Variants in PCDH15 observed in about 807,000 individuals in gnomAD.
The protein encoded by PCDH15 is protocadherin-15.
In PCDH15, 129 loss-of-function variants were observed where a neutral mutation model predicts 178.5. The ratio of observed to expected loss-of-function variants is 0.72; its 90% CI spans 0.63 to 0.84. The LOEUF is 0.84. Among genes scored for constraint, PCDH15 ranks in the 40% least tolerant of loss-of-function variants. The pLI is 0.00. For synonymous variants in PCDH15, 800 were observed against 732.0 expected (o/e 1.09, Z -1.50); for missense variants, 2,230 against 2,099.9 (o/e 1.06, Z -1.21).
intron 2 of PCDH15, among the ~76,000 whole-genome samples, chr10:55,452,014 G>T (rs1839446432): frequency 1.3e-5 from 2 of 152,234 alleles, no homozygotes; most frequent in South Asian, 2.1e-4. Flanking sequence ...TTTAAGTATT[G>T]ATATGACTAA....
intron 21 of PCDH15, among the ~76,000 whole-genome samples, chr10:53,968,738 C>A (rs988384419): frequency 5.9e-5 from 9 of 152,160 alleles, no homozygotes; most frequent in African/African-American, 2.2e-4. Flanking sequence ...CCCAGGCAAA[C>A]ACGGTCTGGA....
intron 1 of PCDH15, among the ~76,000 whole-genome samples, chr10:55,318,627 G>A (rs756133472): frequency 6.6e-6 from 1 of 152,022 alleles, no homozygotes; most frequent in Non-Finnish European, 1.5e-5. Flanking sequence ...CAAAGAAAAG[G>A]TAAAGTTAGA....
intron 3 of PCDH15, among the ~76,000 whole-genome samples, chr10:54,507,874 A>G (rs1193569112): frequency 6.6e-6 from 1 of 152,010 alleles, no homozygotes; most frequent in African/African-American, 2.4e-5. Flanking sequence ...TTCAGTATGA[A>G]TATTGCAACT....
At chr10:55,270,438 A>AT (rs1056272820) in intron 1 of PCDH15, among the ~76,000 whole-genome samples, 2 of 144,548 alleles carry the variant, frequency 1.4e-5, no homozygotes, top group African/African-American at 5.4e-5. Context: ...ACAAAACAAA[A>AT]TGAAAAAAAA....
rs200071996 is a variant in PCDH15, at chr10:55,470,230, G to C, written c.-156+157395C>G. Among the ~76,000 whole-genome samples, 5 of 151,976 alleles carry C rather than the reference G, an allele frequency of 3.3e-5. No homozygotes were observed. In the East Asian group the frequency reaches 9.7e-4, roughly 30 times the overall value. The stretch of plus-strand genomic sequence containing the variant: ...GCCAGGTGAGGTGGTTTGGCCTATA[G>C]TCTCAGCTACTCGGAGGCTGAGGCA... On this transcript the variant is annotated intron_variant, in intron 2 of 5. Coordinates refer to the PCDH15 transcript ENST00000613346.
intron 2 of PCDH15, among the ~76,000 whole-genome samples, chr10:55,597,642 A>G (rs1236457730): frequency 6.6e-6 from 1 of 152,146 alleles, no homozygotes; most frequent in African/African-American, 2.4e-5. Flanking sequence ...ATAGTCCTAA[A>G]TCAAATATAA....
intron 2 of PCDH15, chr10:55,366,296 C>T (rs2131984173): frequency 6.6e-6 from 1 of 152,142 alleles, no homozygotes; most frequent in Non-Finnish European, 1.5e-5. Flanking sequence ...AGAGTGATAA[C>T]TTTATGAATA....
intron 2 of PCDH15, among the ~76,000 whole-genome samples, chr10:55,450,254 C>A (rs1839404915): frequency 6.6e-6 from 1 of 152,042 alleles, no homozygotes; most frequent in African/African-American, 2.4e-5. Flanking sequence ...ATAATTATTT[C>A]CCAGGCTCGT....
intron 15 of PCDH15, among the ~76,000 whole-genome samples, chr10:54,094,441 A>C (rs796460551): frequency 3.7e-4 from 56 of 152,286 alleles, no homozygotes; most frequent in Admixed American, 1.3e-3. Flanking sequence ...AATGCTTGTA[A>C]AAGGTGAAAG....
intron 13 of PCDH15, among the ~76,000 whole-genome samples, chr10:54,178,990 C>T (rs1032083536): frequency 6.6e-6 from 1 of 152,056 alleles, no homozygotes; most frequent in Non-Finnish European, 1.5e-5. Flanking sequence ...CTAGTTCAAC[C>T]ATTGTGGAAG....
At chr10:54,743,892 A>G (rs1945137806) in intron 1 of PCDH15, among the ~76,000 whole-genome samples, 1 of 152,092 alleles carries the variant, frequency 6.6e-6, no homozygotes, top group Non-Finnish European at 1.5e-5. Flanking sequence ...ATATCCATAT[A>G]CTTTGTAGGC....
chr10:54,443,359 A>G (rs2075954000), intron 3 of PCDH15, among the ~76,000 whole-genome samples: 1 of 151,400 alleles, frequency 6.6e-6, no homozygotes, highest in Non-Finnish European at 1.5e-5. Context: ...GCCCCTGGGA[A>G]ATGGGAAGTT....
At chr10:55,369,073 T>C (rs1845434070) in intron 2 of PCDH15, among the ~76,000 whole-genome samples, 1 of 143,470 alleles carries the variant, frequency 7.0e-6, no homozygotes, top group African/African-American at 2.6e-5. Context: ...AGTCAGAAGG[T>C]CAATTCCTTT....
intron 2 of PCDH15, among the ~76,000 whole-genome samples, chr10:55,402,463 ATTCT>A (rs1201311705): frequency 6.6e-6 from 1 of 151,906 alleles, no homozygotes; most frequent in Non-Finnish European, 1.5e-5. Flanking sequence ...ACTAGAACTT[ATTCT>A]TTCTGTCTAA....
intron 3 of PCDH15, among the ~76,000 whole-genome samples, chr10:54,384,571 CT>C (rs1374836351): frequency 6.6e-6 from 1 of 152,032 alleles, no homozygotes; most frequent in African/African-American, 2.4e-5. Flanking sequence ...GTATGCTTGC[CT>C]ACCCTTCTAG....
intron 1 of PCDH15, among the ~76,000 whole-genome samples, chr10:54,736,496 T>C (rs1944141482): frequency 6.7e-6 from 1 of 149,122 alleles, no homozygotes; most frequent in Non-Finnish European, 1.5e-5. Flanking sequence ...ACACATGTTG[T>C]TGTACTTATC....
At chr10:54,821,407 C>T (rs1019538758) in intron 3 of PCDH15, among the ~76,000 whole-genome samples, 7 of 151,538 alleles carry the variant, frequency 4.6e-5, no homozygotes, top group African/African-American at 1.7e-4. Flanking sequence ...TTTTCTAACC[C>T]TTTTTAATAA....
rs559731938 is a variant in PCDH15, at chr10:54,453,734, G to A, written c.157+74078C>T. 2.6e-5 allele frequency among the ~76,000 whole-genome samples: 4 copies of A among 151,562 alleles called. No individual in the cohort carries two copies. The South Asian group carries it at 6.3e-4, about 24-fold the overall frequency. On this transcript the variant is annotated intron_variant, in intron 3 of 37. Coordinates refer to ENST00000644397, the MANE Select transcript of PCDH15 (RefSeq NM_001384140.1). ...CACACAAAGAAGAAGGTCATGCAAA[G>A]AAGGAGGCAGAGATAGGAAGAAAGC...
chr10:54,712,487 T>A (rs1258929898), intron 1 of PCDH15, among the ~76,000 whole-genome samples: 1 of 151,366 alleles, frequency 6.6e-6, no homozygotes, highest in African/African-American at 2.4e-5. Context: ...ATAAGGAGAG[T>A]TTTGAAAAAG....
Sources: allele counts gnomAD v4.1 joint callset (sites outside exome capture counted in the v4.1 genomes callset), GRCh38; gene constraint gnomAD v4.1.1; transcripts MANE v1.5; gene names NCBI Gene and HGNC (gene_info 2026-07-23, HGNC 2026-07-21).